Variants in PDE3B observed in about 807,000 individuals in gnomAD.
The protein encoded by PDE3B is phosphodiesterase 3B, also known as cGMP-inhibited 3',5'-cyclic phosphodiesterase 3B.
PDE3B carries 66 observed loss-of-function variants against 116.8 expected under a neutral mutation model. The observed-to-expected ratio is 0.56, with a 90% CI of 0.46 to 0.69. The LOEUF (loss-of-function observed/expected upper bound fraction) is 0.69. Ranked by LOEUF, PDE3B falls within the 30% of genes least tolerant of loss-of-function variation. The pLI is 0.00. For missense variants in PDE3B, 1,384 were observed against 1,368.1 expected (o/e 1.01, Z -0.18); for synonymous variants, 595 against 533.6 (o/e 1.12, Z -1.59).
intron 5 of PDE3B, among the ~76,000 whole-genome samples, chr11:14,806,642 G>A (rs907026373): frequency 1.3e-4 from 20 of 151,440 alleles, no homozygotes; most frequent in Non-Finnish European, 1.9e-4. Flanking sequence ...GGCGGATCAC[G>A]AGGTCAGGAG....
chr11:14,713,956 AC>A (rs1211450280), intron 1 of PDE3B, among the ~76,000 whole-genome samples: 2 of 152,134 alleles, frequency 1.3e-5, no homozygotes, highest in Non-Finnish European at 2.9e-5. Context: ...AGATGTTTCT[AC>A]TGTTTTTTTG....
the PDE3B span, chr11:14,885,995 A>G: frequency 2.8e-6 from 4 of 1,403,694 alleles, no homozygotes; most frequent in Admixed American, 6.8e-5. Flanking sequence ...TACAAGTGGT[A>G]AGTGCGGCTC....
At chr11:14,698,096 C>A (rs555823716) in intron 1 of PDE3B, among the ~76,000 whole-genome samples, 1 of 151,808 alleles carries the variant, frequency 6.6e-6, no homozygotes, top group Admixed American at 6.6e-5. Context: ...GAACATTTTA[C>A]CAATCTAATA....
At chr11:14,722,165 AGGGGGAC>A (rs1856131429) in intron 1 of PDE3B, among the ~76,000 whole-genome samples, 1 of 126,988 alleles carries the variant, frequency 7.9e-6, no homozygotes, top group Non-Finnish European at 1.7e-5. Flanking sequence ...GTTGTGGAAT[AGGGGGAC>A]GGGGGAGGGA....
intron 1 of PDE3B, among the ~76,000 whole-genome samples, chr11:14,658,613 C>T (rs1022439586): frequency 6.6e-6 from 1 of 152,180 alleles, no homozygotes; most frequent in African/African-American, 2.4e-5. Context: ...CCTCGGCCTC[C>T]CAAAGTGCTG....
At chr11:14,667,885 A>G (rs1197912550) in intron 1 of PDE3B, among the ~76,000 whole-genome samples, 2 of 151,930 alleles carry the variant, frequency 1.3e-5, no homozygotes, top group Non-Finnish European at 2.9e-5. Context: ...TGTTTTGTTC[A>G]CTGCCATGTC....
At chr11:14,763,553 T>C (rs1346781241) in intron 1 of PDE3B, among the ~76,000 whole-genome samples, 2 of 152,012 alleles carry the variant, frequency 1.3e-5, no homozygotes, top group African/African-American at 4.8e-5. Flanking sequence ...TATAATCTAA[T>C]TGGAATGATT....
chr11:14,686,227 C>T (rs2133800491), intron 1 of PDE3B, among the ~76,000 whole-genome samples: 1 of 152,274 alleles, frequency 6.6e-6, no homozygotes, highest in Non-Finnish European at 1.5e-5. Context: ...CACAAGTCTT[C>T]CATTCGAATT....
At chr11:14,784,528 A>G (rs749477735) in intron 2 of PDE3B, among the ~76,000 whole-genome samples, 2 of 152,194 alleles carry the variant, frequency 1.3e-5, no homozygotes, top group African/African-American at 4.8e-5. Context: ...AGAAAACTTT[A>G]TATAGTAATA....
At chr11:14,891,136 G>A in the PDE3B span, 1 of 985,456 alleles carries the variant, frequency 1.0e-6, no homozygotes, top group Non-Finnish European at 1.2e-6. Context: ...GCCCCCTCCG[G>A]ACGTCGGGAC....
At chr11:14,773,409 C>T (rs891849260) in intron 2 of PDE3B, 2 of 151,804 alleles carry the variant, frequency 1.3e-5, no homozygotes, top group Non-Finnish European at 2.9e-5. Context: ...GAGTGTTGGC[C>T]TATAAATTCT....
the PDE3B span, chr11:14,886,871 T>C: frequency 2.0e-5 from 3 of 152,234 alleles, no homozygotes; most frequent in African/African-American, 2.4e-5. Flanking sequence ...CAGAAAGTTA[T>C]ATCAGCAAAG....
intron 1 of PDE3B, among the ~76,000 whole-genome samples, chr11:14,649,737 G>A (rs1352569941): frequency 2.0e-5 from 3 of 152,142 alleles, no homozygotes; most frequent in East Asian, 3.8e-4. Context: ...GCAGCTGGTC[G>A]CAAACTCATG....
intron 4 of PDE3B, among the ~76,000 whole-genome samples, chr11:14,789,578 A>G (rs1198149478): frequency 1.3e-5 from 2 of 152,058 alleles, no homozygotes; most frequent in Non-Finnish European, 2.9e-5. Flanking sequence ...CCACCAATCC[A>G]ATGAATAGTA....
chr11:14,673,844 A>G (rs1854449796), intron 1 of PDE3B: 3 of 1,240,606 alleles, frequency 2.4e-6, no homozygotes, highest in Non-Finnish European at 2.4e-6. Flanking sequence ...GTGGTCTCTC[A>G]AATTTGTAGA....
chr11:14,680,905 T>G (rs1307529652), intron 1 of PDE3B, among the ~76,000 whole-genome samples: 1 of 152,194 alleles, frequency 6.6e-6, no homozygotes, highest in African/African-American at 2.4e-5. Flanking sequence ...TTTTAGCATA[T>G]AAACCCTGTT....
chr11:14,794,761 A>G (rs975442988), intron 4 of PDE3B, among the ~76,000 whole-genome samples: 1 of 152,162 alleles, frequency 6.6e-6, no homozygotes, highest in Non-Finnish European at 1.5e-5. Flanking sequence ...ACCAGCTGTA[A>G]ATCAGGGTTC....
the PDE3B span, among the ~76,000 whole-genome samples, chr11:14,898,402 A>G: frequency 6.6e-6 from 1 of 152,170 alleles, no homozygotes; most frequent in Non-Finnish European, 1.5e-5. Context: ...GGGATGGGGC[A>G]GTAATTTTCC....
In PDE3B at chr11:14,644,060, A is replaced by AC; in HGVS notation, c.-11dup. 2 of 1,487,188 alleles carry AC rather than the reference A, an allele frequency of 1.3e-6. No individual in the cohort carries two copies. Among genetic ancestry groups the AC allele is most frequent in the Non-Finnish European group, 8.8e-7 (1 of 1,129,978 alleles). The allele number at this position is 1,487,188 out of a possible 1,614,324, so 92.1% of individuals were successfully genotyped here. A position where few individuals can be genotyped will look rare whatever the true frequency, so the allele number is the denominator to read the frequency against. ...GCGGGGTGTGCTGAGTCCCGTGGCC[A>AC]CCCCCGGCCCCAGCCATGAGGAGGG... is the stretch of plus-strand genomic sequence containing the variant. On this transcript the variant is annotated 5_prime_UTR_variant, in exon 1 of 16. Transcript: ENST00000282096.
Sources: gnomAD v4.1 joint callset for allele counts (sites outside exome capture counted in the v4.1 genomes callset) on GRCh38, gnomAD v4.1.1 for gene constraint, MANE v1.5 for transcripts, NCBI Gene and HGNC (gene_info 2026-07-23, HGNC 2026-07-21) for gene names.